ESRP1: variants seen among roughly 807,000 people sequenced by gnomAD.
ESRP1 encodes epithelial splicing regulatory protein 1, also known as RNA-binding motif protein 35A.
In ESRP1, 33 loss-of-function variants were observed where a neutral mutation model predicts 81.7. The ratio of observed to expected loss-of-function variants is 0.40; its 90% CI spans 0.31 to 0.54. ESRP1 has a LOEUF of 0.54. Among genes scored for constraint, ESRP1 ranks in the 20% least tolerant of loss-of-function variants. The pLI is 0.41. For missense variants in ESRP1, 672 were observed against 833.1 expected, an observed-to-expected ratio of 0.81 and a Z score of 2.38; for synonymous variants, 320 against 303.3, an observed-to-expected ratio of 1.06 and a Z score of -0.57.
chr8:94,678,000 T>C (rs1226417012), intron 12 of ESRP1, among the ~76,000 whole-genome samples: 1 of 152,212 alleles, frequency 6.6e-6, no homozygotes, highest in Admixed American at 6.5e-5. Flanking sequence ...GGCAAAGAAC[T>C]GTTTTTTAGG....
intron 13 of ESRP1, among the ~76,000 whole-genome samples, chr8:94,679,938 CAA>C (rs1337299956): frequency 6.6e-6 from 1 of 152,064 alleles, no homozygotes; most frequent in East Asian, 1.9e-4. Flanking sequence ...TCAAAATGTC[CAA>C]AGAGTAAAAA....
intron 11 of ESRP1, among the ~76,000 whole-genome samples, 169 bp from the exon 12 acceptor site, chr8:94,674,139 C>T (rs1393538627): frequency 1.3e-5 from 2 of 152,134 alleles, no homozygotes; most frequent in Non-Finnish European, 2.9e-5. Flanking sequence ...TTCTGGTGAT[C>T]AGGTGATGAA....
chr8:94,688,640 C>A, intron 13 of ESRP1: 1 of 191,598 alleles, frequency 5.2e-6, no homozygotes, highest in South Asian at 9.6e-5. Flanking sequence ...AAATAAAATG[C>A]CTCAACAGAC....
Position 94,668,240 on chromosome 8 carries a change from A to T in ESRP1, c.1223A>T (p.Glu408Val). 6.3e-7 allele frequency: 1 copy of T among 1,581,980 alleles called. No individual in the cohort carries two copies. Among genetic ancestry groups the T allele is most frequent in the Non-Finnish European group, 8.6e-7 (1 of 1,161,266 alleles). The change falls in exon 10 of 16, where the codon GAA becomes GTA. Residue 408 changes from glutamate (E) to valine (V), a missense_variant. Transcript: ENST00000433389. ...YIELFRSTAAEVQQVLNRFSS... is the reference protein window; with the variant it reads ...YIELFRSTAAVVQQVLNRFSS... ...GAACTCTTCAGGAGCACAGCAGCTG[A>T]AGTTCAGCAGGTTGGTTTTAAAAAC... is the stretch of plus-strand genomic sequence containing the variant.
At position 94,706,048 on chromosome 8, in the gene ESRP1, C is replaced by G. The variant is rs1810060892; in HGVS notation, c.*159C>G. ...AGCAAACTTGATTGGACAAACGGGC[C>G]TGTGCCTTATCTTTTGGTGGAGTGA... On this transcript the variant is annotated 3_prime_UTR_variant, in exon 16 of 16. Transcript: ENST00000433389. The G allele has an allele frequency of 8.3e-7, 1 of 1,199,992 alleles. No homozygotes were observed. Among genetic ancestry groups the G allele is most frequent in the Non-Finnish European group, 1.2e-6 (1 of 865,510 alleles). The allele number at this position is 1,199,992 out of a possible 1,614,324, so 74.3% of individuals were successfully genotyped here. A position where few individuals can be genotyped will look rare whatever the true frequency, so the allele number is the denominator to read the frequency against.
intron 13 of ESRP1, among the ~76,000 whole-genome samples, chr8:94,687,410 T>A (rs1045679450): frequency 3.9e-5 from 6 of 152,236 alleles, no homozygotes; most frequent in Non-Finnish European, 8.8e-5. Flanking sequence ...TTCATGTTTC[T>A]GTGTGGACAT....
intron 13 of ESRP1, among the ~76,000 whole-genome samples, chr8:94,685,521 A>C (rs1219184630): frequency 6.6e-6 from 1 of 152,098 alleles, no homozygotes; most frequent in African/African-American, 2.4e-5. Context: ...AAACAAAACA[A>C]TAGGGTTGGG....
intron 13 of ESRP1, among the ~76,000 whole-genome samples, chr8:94,690,230 C>G (rs1345437465): frequency 1.3e-5 from 2 of 150,214 alleles, no homozygotes; most frequent in Admixed American, 1.3e-4. Context: ...CCACTTTCAT[C>G]TCCCAAAGTG....
chr8:94,671,612 C>T lies in ESRP1; in HGVS notation c.1393C>T (p.Leu465=), dbSNP rs768971902. 6.2e-7 allele frequency: 1 copy of T among 1,613,896 alleles called. No individual in the cohort carries two copies. Among genetic ancestry groups the T allele is most frequent in the East Asian group, 2.2e-5 (1 of 44,878 alleles). ...AATIEDILDF[L]GEFATDIRTH... is the part of the protein sequence containing the mutation. ...CACAATTGAGGACATCCTGGATTTC[C>T]TGGGGGAGTTCGCCACAGATATTCG... The change falls in exon 11 of 16, where the codon CTG becomes TTG. Residue 465 remains leucine (L), a synonymous_variant. Transcript: ENST00000433389.
intron 4 of ESRP1, chr8:94,646,543 T>C: frequency 3.5e-6 from 1 of 285,796 alleles, no homozygotes; most frequent in Non-Finnish European, 6.5e-6. Flanking sequence ...GTTTCAGCTG[T>C]GTAATGTGTG....
chr8:94,657,195 C>T (rs1161590967), intron 4 of ESRP1, among the ~76,000 whole-genome samples: 10 of 152,298 alleles, frequency 6.6e-5, no homozygotes, highest in Admixed American at 1.3e-4. Flanking sequence ...TTCCTTGAGG[C>T]ATTTCTCATT....
chr8:94,677,882 T>C (rs964026881), intron 12 of ESRP1, among the ~76,000 whole-genome samples: 2 of 152,084 alleles, frequency 1.3e-5, no homozygotes, highest in African/African-American at 4.8e-5. Context: ...CCTCTGAGAG[T>C]TGGTTTGTAG....
chr8:94,662,999 G>A (rs1048215198), intron 6 of ESRP1, among the ~76,000 whole-genome samples: 2 of 152,090 alleles, frequency 1.3e-5, no homozygotes, highest in African/African-American at 4.8e-5. Context: ...TTGCTGTTCG[G>A]TCATCTGTAA....
At chr8:94,676,999 A>AT (rs201178039) in intron 12 of ESRP1, among the ~76,000 whole-genome samples, 1 of 151,724 alleles carries the variant, frequency 6.6e-6, no homozygotes, top group Non-Finnish European at 1.5e-5. Context: ...CTAAAAAAAA[A>AT]TTCAAGAAAT....
chr8:94,694,886 G>C (rs945548462), intron 14 of ESRP1, among the ~76,000 whole-genome samples: 1 of 152,216 alleles, frequency 6.6e-6, no homozygotes, highest in Non-Finnish European at 1.5e-5. Flanking sequence ...AACTGGAGCA[G>C]TGAGTTAGGA....
At position 94,641,409 on chromosome 8, in the gene ESRP1, A is replaced by T; in HGVS notation, c.91A>T (p.Ile31Phe). 6.2e-7 allele frequency: 1 copy of T among 1,613,732 alleles called. No homozygotes were observed. The highest frequency in any genetic ancestry group is 8.5e-7 in the Non-Finnish European group (1 of 1,179,842). ...GCTAGGCTCGGATGAGAAGGAGTTG[A>T]TCCTGCTGTTCTGGAAAGTCGTGGA... The part of the protein sequence containing the change: ...AKLGSDEKEL[I>F]LLFWKVVDLA... Residue 31 changes from isoleucine (I) to phenylalanine (F), a missense_variant, in exon 1 of 16, where the codon ATC becomes TTC. Transcript: ENST00000433389.
intron 2 of ESRP1, 111 bp from the exon 3 acceptor site, chr8:94,643,192 C>A: frequency 1.5e-6 from 1 of 670,770 alleles, no homozygotes; most frequent in Admixed American, 2.3e-5. Flanking sequence ...ACCGGTGTCA[C>A]CCATCAGGGC....
At chr8:94,682,991 C>T (rs1213754407) in intron 13 of ESRP1, among the ~76,000 whole-genome samples, 1 of 106,462 alleles carries the variant, frequency 9.4e-6, no homozygotes, top group East Asian at 3.2e-4. Context: ...GTTGCCCAGG[C>T]TGGAATGCAG....
chr8:94,669,125 C>A (rs1275602291), intron 10 of ESRP1, among the ~76,000 whole-genome samples: 2 of 152,124 alleles, frequency 1.3e-5, no homozygotes, highest in Non-Finnish European at 2.9e-5. Context: ...GCAATCACTT[C>A]CTCAAAATGT....
Sources: gnomAD v4.1 joint callset for allele counts (sites outside exome capture counted in the v4.1 genomes callset) on GRCh38, gnomAD v4.1.1 for gene constraint, MANE v1.5 for transcripts, NCBI Gene and HGNC (gene_info 2026-07-23, HGNC 2026-07-21) for gene names.